The following MTTP variants were observed in gnomAD, a reference collection of about 807,000 sequenced individuals.
MTTP encodes microsomal triglyceride transfer protein.
A neutral mutation model predicts 90.6 loss-of-function variants in MTTP; 49 were observed. The observed-to-expected ratio is 0.54, with a 90% confidence interval of 0.43 to 0.69. The LOEUF (loss-of-function observed/expected upper bound fraction) is 0.69, where lower values mean the gene tolerates loss of function less well. MTTP is among the 30% of genes least tolerant of loss of function. The probability of loss-of-function intolerance (pLI) is 0.00; values close to 1 mark genes in which losing one functional copy is unlikely to be tolerated. For synonymous variants in MTTP, 347 were observed against 384.2 expected (o/e 0.90, Z 1.13); for missense variants, 945 against 1,067.5 (o/e 0.89, Z 1.60).
chr4:99,611,079 A>T (rs564613733), intron 12 of MTTP, 64 bp from the exon 13 acceptor site: 120 of 1,550,718 alleles, frequency 7.7e-5, no homozygotes, highest in Non-Finnish European at 1.1e-4. Context: ...TTTTTTTCCA[A>T]ATTTGACTTG....
chr4:99,587,015 A>G (rs1725273943), intron 3 of MTTP, among the ~76,000 whole-genome samples: 1 of 152,206 alleles, frequency 6.6e-6, no homozygotes, highest in Non-Finnish European at 1.5e-5. Context: ...GTTCAGAACT[A>G]ATTTCATTGC....
chr4:99,583,733 T>C lies in MTTP; in HGVS notation c.393+216T>C, dbSNP rs985883067. On this transcript the variant is annotated intron_variant, in intron 3 of 17. Coordinates refer to ENST00000265517, the MANE Select transcript of MTTP (RefSeq NM_001386140.1). ...TACTAGCCAATTTGTTTCCTATTTTTCTGGAAATCTTTATAGTGGAATGAA... is the reference window on the plus strand; with the variant it reads ...TACTAGCCAATTTGTTTCCTATTTTCCTGGAAATCTTTATAGTGGAATGAA... 6.4e-6 allele frequency: 4 copies of C among 627,772 alleles called. No individual in the cohort carries two copies. In the African/African-American group the frequency reaches 7.4e-5, roughly 12 times the overall value. 38.9% of individuals were successfully genotyped at this position (627,772 alleles called of 1,614,324 possible).
At chr4:99,603,737 G>C (rs1443067955) in intron 10 of MTTP, among the ~76,000 whole-genome samples, 1 of 152,084 alleles carries the variant, frequency 6.6e-6, no homozygotes, top group African/African-American at 2.4e-5. Context: ...TGGGTCACCA[G>C]GCTCAGTTGT....
chr4:99,586,192 T>C (rs559851109), intron 3 of MTTP, among the ~76,000 whole-genome samples: 2 of 152,164 alleles, frequency 1.3e-5, no homozygotes, highest in Admixed American at 1.3e-4. Flanking sequence ...TACATATTCA[T>C]TGCACATCTT....
chr4:99,576,366 G>A (rs1001817268), intron 1 of MTTP, among the ~76,000 whole-genome samples: 3 of 152,108 alleles, frequency 2.0e-5, no homozygotes, highest in Non-Finnish European at 2.9e-5. Context: ...TTATAAACTA[G>A]AACATTGGGT....
At chr4:99,574,648 A>G (rs944112291), upstream of MTTP, 14 of 688,598 alleles carry the variant, frequency 2.0e-5, no homozygotes, top group South Asian at 1.6e-4. Flanking sequence ...GAAAACATTT[A>G]AAGTTTCCTC....
chr4:99,601,425 A>T (rs1262839126), intron 9 of MTTP, among the ~76,000 whole-genome samples, 182 bp from the exon 10 acceptor site: 1 of 143,414 alleles, frequency 7.0e-6, no homozygotes, highest in Non-Finnish European at 1.6e-5. Context: ...TGAAAAGGGG[A>T]TTAACTCTTC....
rs781654995 is a variant in MTTP, at chr4:99,622,695, C to T, written c.2532C>T (p.Tyr844=). The change falls in exon 18 of 18, where the codon TAC becomes TAT. Residue 844 remains tyrosine (Y), a synonymous_variant. Coordinates refer to ENST00000265517, the MANE Select transcript of MTTP (RefSeq NM_001386140.1). Reference sequence around the variant, plus strand: ...TGTACAGGCAATTTGAGAAAAAGTACGAAAGGCTGTCCACAGGCAGAGGTT... The same window carrying T: ...TGTACAGGCAATTTGAGAAAAAGTATGAAAGGCTGTCCACAGGCAGAGGTT... ...EAPFRQFEKK[Y]ERLSTGRGYV... is the part of the protein sequence containing the mutation. 2.7e-5 allele frequency: 44 copies of T among 1,613,746 alleles called. No homozygotes were observed. The East Asian group carries it at 4.0e-4, about 15-fold the overall frequency.
In MTTP at chr4:99,623,086, C is replaced by T; in HGVS notation, c.*238C>T. On this transcript the variant is annotated 3_prime_UTR_variant, in exon 18 of 18. Coordinates refer to ENST00000265517, the MANE Select transcript of MTTP (RefSeq NM_001386140.1). ...AACAACGTTCTTAGTTTACTTATAC[C>T]TCTCTCAAATCTCATTTGGTACAGT... 1.8e-6 allele frequency: 1 copy of T among 545,990 alleles called. No homozygotes were observed. Among genetic ancestry groups the T allele is most frequent in the South Asian group, 2.0e-5 (1 of 49,364 alleles). 33.8% of individuals were successfully genotyped at this position (545,990 alleles called of 1,614,324 possible). A position where few individuals can be genotyped will look rare whatever the true frequency, so the allele number is the denominator to read the frequency against.
At chr4:99,573,225 T>G (rs967566945), upstream of MTTP, among the ~76,000 whole-genome samples, 4 of 152,118 alleles carry the variant, frequency 2.6e-5, no homozygotes, top group African/African-American at 9.7e-5. Flanking sequence ...ACAAACTAGC[T>G]TTTAATTTAA....
chr4:99,616,463 T>G (rs1359484314), intron 15 of MTTP, among the ~76,000 whole-genome samples: 1 of 152,188 alleles, frequency 6.6e-6, no homozygotes, highest in Admixed American at 6.5e-5. Context: ...TCTGGCTTCA[T>G]GTGTAGCCTC....
At position 99,574,865 on chromosome 4, in the gene MTTP, G is replaced by A; in HGVS notation, c.-45G>A. 1 of 1,614,044 alleles carries A rather than the reference G, an allele frequency of 6.2e-7. No homozygotes were observed. The highest frequency in any genetic ancestry group is 8.5e-7 in the Non-Finnish European group (1 of 1,179,962). On this transcript the variant is annotated 5_prime_UTR_variant, in exon 1 of 18. Coordinates refer to ENST00000265517, the MANE Select transcript of MTTP (RefSeq NM_001386140.1). ...CCATTGAAAGAGTCCACTTCTCAGT[G>A]ACTCCTAGCTGGGCACTGGATGCAG... is the stretch of plus-strand genomic sequence containing the variant.
chr4:99,605,340 ACT>A (rs981300854), intron 10 of MTTP, among the ~76,000 whole-genome samples: 7 of 151,868 alleles, frequency 4.6e-5, no homozygotes, highest in African/African-American at 1.7e-4. Flanking sequence ...TTCTATACAT[ACT>A]CTTTTTGTAT....
chr4:99,577,960 T>G (rs1725009335), intron 1 of MTTP, among the ~76,000 whole-genome samples: 1 of 152,158 alleles, frequency 6.6e-6, no homozygotes, highest in East Asian at 1.9e-4. Flanking sequence ...CATCTTCCAG[T>G]TCTTTTTTCT....
In MTTP at chr4:99,594,901, T is replaced by C. The variant is rs1560618927; in HGVS notation, c.909+18T>C. 1 of 1,612,808 alleles carries C rather than the reference T, an allele frequency of 6.2e-7. No individual in the cohort carries two copies. Among genetic ancestry groups the C allele is most frequent in the Non-Finnish European group, 8.5e-7 (1 of 1,178,930 alleles). On this transcript the variant is annotated intron_variant, in intron 7 of 17. Coordinates refer to ENST00000265517, the MANE Select transcript of MTTP (RefSeq NM_001386140.1). The stretch of plus-strand genomic sequence containing the variant: ...GTCCTTCTGTAAGTGCAGACAAATA[T>C]GGGAATAATCATGACATCAGACTCT...
At chr4:99,564,199 A>G in exon 1 of MTTP, 1 of 1,535,622 alleles carries the variant, frequency 6.5e-7, no homozygotes, top group Non-Finnish European at 8.7e-7. Flanking sequence ...TCAAGAATTA[A>G]GTGTGTACCT....
chr4:99,608,521 T>C (rs557164215), intron 11 of MTTP, among the ~76,000 whole-genome samples: 39 of 152,290 alleles, frequency 2.6e-4, no homozygotes, highest in African/African-American at 8.9e-4. Context: ...ACTACAGTCA[T>C]GGAAGAAAGA....
At chr4:99,608,743 A>G (rs1331000473) in intron 11 of MTTP, 23 bp from the exon 12 acceptor site, 2 of 1,564,966 alleles carry the variant, frequency 1.3e-6, no homozygotes, top group Admixed American at 3.3e-5. Context: ...GATGTGCACT[A>G]AGTTTGAACA....
At chr4:99,586,695 T>C (rs1014923685) in intron 3 of MTTP, among the ~76,000 whole-genome samples, 2 of 152,176 alleles carry the variant, frequency 1.3e-5, no homozygotes, top group Non-Finnish European at 2.9e-5. Flanking sequence ...ATTATTTTTA[T>C]TGTTTGGCCA....
Sources: allele counts gnomAD v4.1 joint callset (sites outside exome capture counted in the v4.1 genomes callset), GRCh38; gene constraint gnomAD v4.1.1; transcripts MANE v1.5; gene names NCBI Gene and HGNC (gene_info 2026-07-23, HGNC 2026-07-21).